HSD17B12: variants seen among roughly 807,000 people sequenced by gnomAD.
The protein encoded by HSD17B12 is hydroxysteroid 17-beta dehydrogenase 12.
HSD17B12 carries 32 observed loss-of-function variants against 39.3 expected under a neutral mutation model. The observed-to-expected ratio is 0.81, with a 90% CI of 0.61 to 1.09. HSD17B12 has a LOEUF of 1.09. HSD17B12 is among the 50% of genes least tolerant of loss of function. The pLI is 0.00. For missense variants in HSD17B12, 342 were observed against 382.9 expected (o/e 0.89, Z 0.89); for synonymous variants, 150 against 146.7 (o/e 1.02, Z -0.16).
chr11:43,832,351 A>G (rs896309834), intron 7 of HSD17B12, among the ~76,000 whole-genome samples: 1 of 152,244 alleles, frequency 6.6e-6, no homozygotes, highest in Non-Finnish European at 1.5e-5. Context: ...TATAAACCAC[A>G]GAGGTATTGT....
chr11:43,582,771 C>A, the HSD17B12 span, among the ~76,000 whole-genome samples: 1 of 152,162 alleles, frequency 6.6e-6, no homozygotes, highest in Non-Finnish European at 1.5e-5. Flanking sequence ...CAGAGTCAAT[C>A]TTTTATGGCT....
chr11:43,767,154 C>T (rs1036086743), intron 3 of HSD17B12, among the ~76,000 whole-genome samples: 1 of 151,508 alleles, frequency 6.6e-6, no homozygotes, highest in Non-Finnish European at 1.5e-5. Context: ...TTCTTTAAAA[C>T]AGTAAAGGGT....
chr11:43,684,644 G>A (rs1449515772), intron 1 of HSD17B12, among the ~76,000 whole-genome samples: 1 of 152,180 alleles, frequency 6.6e-6, no homozygotes, highest in African/African-American at 2.4e-5. Context: ...ACGCAGTGAA[G>A]AATAAATGAT....
intron 9 of HSD17B12, among the ~76,000 whole-genome samples, chr11:43,844,298 A>T (rs1951454419): frequency 6.6e-6 from 1 of 152,142 alleles, no homozygotes; most frequent in Non-Finnish European, 1.5e-5. Context: ...TCAACTTCTT[A>T]ACTTCTTTCC....
chr11:43,580,933 A>G, the HSD17B12 span, among the ~76,000 whole-genome samples: 1 of 151,840 alleles, frequency 6.6e-6, no homozygotes, highest in South Asian at 2.1e-4. Context: ...TTTTCTCTTT[A>G]CGCAGCGCCT....
At chr11:43,836,950 C>G (rs2135123961) in intron 7 of HSD17B12, among the ~76,000 whole-genome samples, 1 of 152,176 alleles carries the variant, frequency 6.6e-6, no homozygotes, top group East Asian at 1.9e-4. Context: ...TATTCAAAAC[C>G]CTCCTAATAT....
chr11:43,628,272 A>G, the HSD17B12 span, among the ~76,000 whole-genome samples: 2 of 152,058 alleles, frequency 1.3e-5, no homozygotes, highest in Non-Finnish European at 2.9e-5. Context: ...GGTCTTGATC[A>G]CTTTCCACTG....
chr11:43,682,495 TCA>T lies in HSD17B12; in HGVS notation c.160+1509_160+1510del, dbSNP rs1427270195. Among the ~76,000 whole-genome samples the T allele has an allele frequency of 2.1e-3, 267 of 124,426 alleles. 2 individuals carry two copies. Among genetic ancestry groups the T allele is most frequent in the African/African-American group, 8.0e-3 (252 of 31,644 alleles). The allele number at this position is 124,426 out of a possible 152,430, so 81.6% of individuals were successfully genotyped here. The stretch of plus-strand genomic sequence containing the variant: ...AGGCGGAGTTTGCAGTGAGCCGAGA[TCA>T]TGCCACTGCACTCCATCCAGCCTGG... On this transcript the variant is annotated intron_variant, in intron 1 of 10. Transcript: ENST00000278353.
intron 1 of HSD17B12, among the ~76,000 whole-genome samples, chr11:43,702,798 A>AT (rs1016681801): frequency 6.6e-5 from 10 of 150,906 alleles, no homozygotes; most frequent in South Asian, 2.1e-4. Context: ...AAAACATGAG[A>AT]TTTTTTTTGC....
chr11:43,834,124 T>C (rs1247442618), intron 7 of HSD17B12: 2 of 152,188 alleles, frequency 1.3e-5, no homozygotes, highest in Non-Finnish European at 2.9e-5. Flanking sequence ...ATTTGTACAA[T>C]GTAAGTATTT....
rs115458605 is a variant in HSD17B12, at chr11:43,768,373, G to C, written c.283+14252G>C. On this transcript the variant is annotated intron_variant, in intron 3 of 10. Coordinates refer to ENST00000278353, the MANE Select transcript of HSD17B12 (RefSeq NM_016142.3). ...CCATGCCCTTGTATTCATTTATTTA[G>C]AGACAGAGTCTCACTCTGTACCCCA... Among the ~76,000 whole-genome samples, 1,253 of 152,092 alleles carry C rather than the reference G, an allele frequency of 8.2e-3. 16 individuals are homozygous for C. The highest frequency in any genetic ancestry group is 0.027 in the African/African-American group (1,135 of 41,492).
intron 3 of HSD17B12, 111 bp from the exon 4 acceptor site, chr11:43,798,209 A>G: frequency 1.5e-6 from 1 of 656,032 alleles, no homozygotes; most frequent in Non-Finnish European, 2.7e-6. Flanking sequence ...TTTTGTATCA[A>G]ATTGGGTGGG....
At chr11:43,793,456 A>G (rs1950887806) in intron 3 of HSD17B12, among the ~76,000 whole-genome samples, 1 of 152,216 alleles carries the variant, frequency 6.6e-6, no homozygotes, top group Non-Finnish European at 1.5e-5. Flanking sequence ...CAGACTTAAT[A>G]TCCCCAGCCA....
intron 7 of HSD17B12, among the ~76,000 whole-genome samples, chr11:43,832,597 G>A (rs1951322667): frequency 1.3e-5 from 2 of 152,172 alleles, no homozygotes; most frequent in South Asian, 2.1e-4. Context: ...GAACTTCACT[G>A]CTATCTCTGT....
At chr11:43,810,377 A>G (rs904695130) in intron 4 of HSD17B12, among the ~76,000 whole-genome samples, 6 of 32,860 alleles carry the variant, frequency 1.8e-4, no homozygotes, top group African/African-American at 5.8e-4. Context: ...TTATATATAT[A>G]TATATATATA....
At chr11:43,633,087 T>A in the HSD17B12 span, among the ~76,000 whole-genome samples, 2 of 152,194 alleles carry the variant, frequency 1.3e-5, no homozygotes, top group Non-Finnish European at 2.9e-5. Context: ...GCTTTTAGTG[T>A]AACCATCACC....
At chr11:43,657,416 T>C in the HSD17B12 span, among the ~76,000 whole-genome samples, 1 of 152,236 alleles carries the variant, frequency 6.6e-6, no homozygotes, top group Non-Finnish European at 1.5e-5. Flanking sequence ...AGGTTAGTAT[T>C]GTTATGTGTG....
the HSD17B12 span, among the ~76,000 whole-genome samples, chr11:43,575,042 G>A: frequency 2.0e-5 from 3 of 152,220 alleles, no homozygotes; most frequent in Admixed American, 6.5e-5. This position sits in a 1 kb window ranked among gnomAD's most constrained non-coding sequence, Gnocchi z 4.1. Context: ...CGCCTTCGAG[G>A]GCGGTGGATT....
chr11:43,813,132 C>T (rs975375188), intron 4 of HSD17B12, among the ~76,000 whole-genome samples: 1 of 152,122 alleles, frequency 6.6e-6, no homozygotes, highest in African/African-American at 2.4e-5. Context: ...TGAGCCACCA[C>T]GCCTGGCAAC....
Sources: gnomAD v4.1 joint callset for allele counts (sites outside exome capture counted in the v4.1 genomes callset) on GRCh38, gnomAD v4.1.1 for gene constraint, Gnocchi (gnomAD v3.1) non-coding constraint, MANE v1.5 for transcripts, NCBI Gene and HGNC (gene_info 2026-07-23, HGNC 2026-07-21) for gene names.